The following GABRA1 variants were observed in gnomAD, a reference collection of about 807,000 sequenced individuals.
GABRA1 encodes the protein gamma-aminobutyric acid type A receptor subunit alpha1.
In GABRA1, 9 loss-of-function variants were observed where a neutral mutation model predicts 48.9. The ratio of observed to expected loss-of-function variants is 0.18; its 90% confidence interval spans 0.11 to 0.32. GABRA1 has a LOEUF of 0.32. Ranked by LOEUF, GABRA1 falls within the 10% of genes least tolerant of loss-of-function variation. The pLI is 1.00. For missense variants in GABRA1, 285 were observed against 553.8 expected, an observed-to-expected ratio of 0.51 and a Z score of 4.87; for synonymous variants, 210 against 198.7, an observed-to-expected ratio of 1.06 and a Z score of -0.48.
At chr5:161,848,528 C>CGGGGGGGG (rs1450654848) in intron 1 of GABRA1, 106 bp downstream of exon 1, 2 of 5,502 alleles carry the variant, frequency 3.6e-4, no homozygotes, top group African/African-American at 2.7e-3. Context: ...CGGGGGGAGA[C>CGGGGGGGG]GGGGGGAGAG....
Position 161,865,737 on chromosome 5 carries a change from G to A in GABRA1, c.204G>A (p.Val68=). 2 of 1,613,012 alleles carry A rather than the reference G, an allele frequency of 1.2e-6. No homozygotes were observed. The highest frequency in any genetic ancestry group is 1.7e-6 in the Non-Finnish European group (2 of 1,179,172). The change falls in exon 4 of 10, where the codon GTG becomes GTA. Residue 68 remains valine (V), a synonymous_variant. Transcript: ENST00000393943. The part of the protein sequence containing the change: ...RPGLGERVTE[V]KTDIFVTSFG... ...CTTCAACAGAGCGTGTAACCGAAGT[G>A]AAGACTGATATCTTCGTCACCAGTT...
At chr5:161,853,715 G>A (rs1282257242) in intron 2 of GABRA1, 2 of 155,510 alleles carry the variant, frequency 1.3e-5, no homozygotes, top group South Asian at 2.0e-4. Context: ...AGTGAATGAA[G>A]GAAAGGATGT....
At chr5:161,858,489 A>T (rs968164654) in intron 3 of GABRA1, among the ~76,000 whole-genome samples, 1 of 151,694 alleles carries the variant, frequency 6.6e-6, no homozygotes, top group African/African-American at 2.4e-5. Flanking sequence ...CCATATATAC[A>T]GGCTACACTT....
At position 161,897,122 on chromosome 5, in the gene GABRA1, A is replaced by G; in HGVS notation, c.1071A>G (p.Val357=). 1.2e-6 allele frequency: 2 copies of G among 1,614,032 alleles called. No individual in the cohort carries two copies. Among genetic ancestry groups the G allele is most frequent in the Non-Finnish European group, 1.7e-6 (2 of 1,179,898 alleles). ...KSVVPEKPKK[V]KDPLIKKNNT... ...CTTTCTTTCTACAGCCAAAGAAAGT[A>G]AAGGATCCTCTTATTAAGAAAAACA... Residue 357 remains valine, a synonymous_variant, in exon 10 of 10, where the codon GTA becomes GTG. Coordinates refer to ENST00000393943, the MANE Select transcript of GABRA1 (RefSeq NM_001127644.2).
At chr5:161,867,141 A>C (rs1218939974) in intron 4 of GABRA1, among the ~76,000 whole-genome samples, 3 of 152,188 alleles carry the variant, frequency 2.0e-5, no homozygotes, top group Non-Finnish European at 4.4e-5. Flanking sequence ...AATTATGGTC[A>C]GTCTGTAGAC....
intron 9 of GABRA1, among the ~76,000 whole-genome samples, chr5:161,896,140 A>T (rs1755358316): frequency 6.6e-6 from 1 of 152,184 alleles, no homozygotes; most frequent in East Asian, 1.9e-4. Context: ...GTTTCTATTG[A>T]TTTGAGAACA....
chr5:161,857,835 G>A (rs1346342832), intron 3 of GABRA1, among the ~76,000 whole-genome samples: 1 of 151,504 alleles, frequency 6.6e-6, no homozygotes, highest in African/African-American at 2.4e-5. Flanking sequence ...TTTATTTGGT[G>A]GCAAGGTGTG....
chr5:161,894,776 T>A (rs2113461023), intron 8 of GABRA1, among the ~76,000 whole-genome samples: 1 of 152,272 alleles, frequency 6.6e-6, no homozygotes, highest in Admixed American at 6.5e-5. Flanking sequence ...TTAGAGGGTA[T>A]CATCTTTCTC....
chr5:161,867,952 G>T (rs1409496902), intron 4 of GABRA1, among the ~76,000 whole-genome samples: 1 of 151,732 alleles, frequency 6.6e-6, no homozygotes, highest in Non-Finnish European at 1.5e-5. Context: ...AAAGGCACAT[G>T]TGTTTCACAT....
At chr5:161,855,093 C>T (rs1296608507) in intron 3 of GABRA1, among the ~76,000 whole-genome samples, 3 of 151,460 alleles carry the variant, frequency 2.0e-5, no homozygotes, top group African/African-American at 7.3e-5. Flanking sequence ...ATCCATGATT[C>T]CCAACTATAG....
intron 6 of GABRA1, chr5:161,882,174 A>G (rs1754646099): frequency 3.5e-6 from 1 of 289,048 alleles, no homozygotes; most frequent in African/African-American, 2.2e-5. Flanking sequence ...CTATCCTTTT[A>G]CTCGGTTGTG....
chr5:161,866,502 T>G (rs1001746967), intron 4 of GABRA1, among the ~76,000 whole-genome samples: 1 of 152,102 alleles, frequency 6.6e-6, no homozygotes, highest in African/African-American at 2.4e-5. Context: ...CATACCATTA[T>G]GAATATTTCA....
intron 3 of GABRA1, 27 bp from the exon 4 acceptor site, chr5:161,865,694 C>T (rs1044479204): frequency 1.1e-5 from 17 of 1,598,216 alleles, no homozygotes; most frequent in Non-Finnish European, 1.5e-5. Flanking sequence ...GACAGACACT[C>T]ACTCGCCCAA....
intron 3 of GABRA1, among the ~76,000 whole-genome samples, chr5:161,864,635 A>G (rs1757983432): frequency 6.6e-6 from 1 of 151,934 alleles, no homozygotes; most frequent in Non-Finnish European, 1.5e-5. Context: ...GTACATGGCT[A>G]GAAAGATCCT....
chr5:161,889,922 G>A (rs1408546173), intron 7 of GABRA1, among the ~76,000 whole-genome samples: 1 of 151,892 alleles, frequency 6.6e-6, no homozygotes, highest in Non-Finnish European at 1.5e-5. Context: ...AAAAAGAGTG[G>A]CAGAATCGCA....
intron 3 of GABRA1, among the ~76,000 whole-genome samples, chr5:161,865,369 AATACTT>A (rs1758011023): frequency 2.0e-5 from 3 of 152,126 alleles, no homozygotes; most frequent in African/African-American, 7.2e-5. Context: ...GCCATGTAAA[AATACTT>A]AAGCTTAAGC....
chr5:161,864,716 CAA>C lies in GABRA1; in HGVS notation c.188-1004_188-1003del, dbSNP rs372669689. 3.1e-3 allele frequency among the ~76,000 whole-genome samples: 469 copies of C among 151,514 alleles called. 1 individual carries two copies. Among genetic ancestry groups the C allele is most frequent in the Non-Finnish European group, 5.0e-3 (338 of 67,852 alleles). ...AAGACTTATTAACTCTTTAAGGACT[CAA>C]GAGTACATTTTATAAATGTTTGTTT... is the stretch of plus-strand genomic sequence containing the variant. On this transcript the variant is annotated intron_variant, in intron 3 of 9. Transcript: ENST00000393943.
At position 161,897,725 on chromosome 5, in the gene GABRA1, A is replaced by T. The variant is rs1755436047; in HGVS notation, c.*303A>T. On this transcript the variant is annotated 3_prime_UTR_variant, in exon 10 of 10. Coordinates refer to ENST00000393943, the MANE Select transcript of GABRA1 (RefSeq NM_001127644.2). ...AGATACAAGAAAAAGTAGAAAAAAAAATAACACTTAACTAAAACCCCTAGG... is the reference window on the plus strand; with the variant it reads ...AGATACAAGAAAAAGTAGAAAAAAATATAACACTTAACTAAAACCCCTAGG... The T allele has an allele frequency of 3.3e-6, 1 of 303,720 alleles. No homozygotes were observed. Among genetic ancestry groups the T allele is most frequent in the African/African-American group, 2.2e-5 (1 of 45,758 alleles). The allele number at this position is 303,720 out of a possible 1,614,324, so 18.8% of individuals were successfully genotyped here. A position where few individuals can be genotyped will look rare whatever the true frequency, so the allele number is the denominator to read the frequency against.
At chr5:161,853,638 G>C (rs1435758505) in intron 2 of GABRA1, 1 of 151,866 alleles carries the variant, frequency 6.6e-6, no homozygotes, top group Non-Finnish European at 1.5e-5. Flanking sequence ...ATTGTCCTAA[G>C]AAATGTTTTA....
Sources: allele counts gnomAD v4.1 joint callset (sites outside exome capture counted in the v4.1 genomes callset), GRCh38; gene constraint gnomAD v4.1.1; transcripts MANE v1.5; gene names NCBI Gene and HGNC (gene_info 2026-07-23, HGNC 2026-07-21).